The following GTF3C1 variants were observed in gnomAD, a reference collection of about 807,000 sequenced individuals.
GTF3C1 encodes general transcription factor 3C polypeptide 1.
In GTF3C1, 57 loss-of-function variants were observed where a neutral mutation model predicts 226.7. That is an observed-to-expected ratio of 0.25 (90% CI 0.20 to 0.31). The LOEUF (loss-of-function observed/expected upper bound fraction) is 0.31, where lower values mean the gene tolerates loss of function less well. Ranked by LOEUF, GTF3C1 falls within the 10% of genes least tolerant of loss-of-function variation. The pLI is 1.00. For synonymous variants in GTF3C1, 1,090 were observed against 1,084.8 expected (o/e 1.00, Z -0.09); for missense variants, 2,217 against 2,776.1 (o/e 0.80, Z 4.53).
At chr16:27,530,823 C>T (rs1281366541) in intron 5 of GTF3C1, among the ~76,000 whole-genome samples, 3 of 152,182 alleles carry the variant, frequency 2.0e-5, no homozygotes, top group Non-Finnish European at 4.4e-5. Flanking sequence ...ATGATCCCTG[C>T]GTCAGAAGCC....
At chr16:27,482,126 T>C (rs1251342079) in intron 26 of GTF3C1, among the ~76,000 whole-genome samples, 4 of 152,126 alleles carry the variant, frequency 2.6e-5, no homozygotes, top group African/African-American at 9.7e-5. Flanking sequence ...TGTGGGTCTA[T>C]TGCAGCCCCT....
intron 6 of GTF3C1, among the ~76,000 whole-genome samples, chr16:27,514,250 C>A (rs2088621360): frequency 6.6e-6 from 1 of 152,228 alleles, no homozygotes; most frequent in South Asian, 2.1e-4. Context: ...TCTGCTGGCT[C>A]CCCGCCGGGG....
chr16:27,534,592 A>C (rs956935570), intron 4 of GTF3C1, among the ~76,000 whole-genome samples: 1 of 152,256 alleles, frequency 6.6e-6, no homozygotes, highest in Non-Finnish European at 1.5e-5. Context: ...TGACTGCCCA[A>C]GTGAGGGGCA....
intron 1 of GTF3C1, among the ~76,000 whole-genome samples, chr16:27,548,616 C>T (rs2089205456): frequency 1.3e-5 from 2 of 152,146 alleles, no homozygotes; most frequent in Non-Finnish European, 2.9e-5. Flanking sequence ...CACAATATGG[C>T]TTAAGAGCAC....
At position 27,462,545 on chromosome 16, in the gene GTF3C1, A is replaced by G. The variant is rs985092000; in HGVS notation, c.5925-59T>C. 5 of 1,351,282 alleles carry G rather than the reference A, an allele frequency of 3.7e-6. No individual in the cohort carries two copies. In the African/African-American group the frequency reaches 7.1e-5, roughly 19 times the overall value. The allele number at this position is 1,351,282 out of a possible 1,614,324, so 83.7% of individuals were successfully genotyped here. On this transcript the variant is annotated intron_variant, in intron 35 of 36. Transcript: ENST00000356183. This position sits in a 1 kb window ranked among gnomAD's most constrained non-coding sequence, Gnocchi z 4.5. ...GGGGGCAGGAGGGCAGCTCGTCCAG[A>G]CAGAACACTGAGGCTCAGGGGCGTC...
intron 6 of GTF3C1, among the ~76,000 whole-genome samples, chr16:27,524,841 A>G (rs572774592): frequency 2.0e-4 from 31 of 152,394 alleles, no homozygotes; most frequent in African/African-American, 7.0e-4. Context: ...TTAGGTATTC[A>G]GGCCATTAGA....
intron 29 of GTF3C1, 149 bp from the exon 30 acceptor site, chr16:27,472,069 A>AGTGT: frequency 1.5e-6 from 1 of 652,698 alleles, no homozygotes. Context: ...TGTGTCAGTG[A>AGTGT]GTGTGTGTGT....
At chr16:27,545,644 T>C in intron 1 of GTF3C1, 121 bp from the exon 2 acceptor site, 1 of 659,136 alleles carries the variant, frequency 1.5e-6, no homozygotes, top group South Asian at 1.8e-5. Context: ...TCAGTTTTCC[T>C]GCCTTATAAA....
intron 6 of GTF3C1, among the ~76,000 whole-genome samples, chr16:27,514,454 G>T (rs2088625904): frequency 6.6e-6 from 1 of 152,050 alleles, no homozygotes; most frequent in Non-Finnish European, 1.5e-5. Flanking sequence ...ACAGTGCCAG[G>T]CTCCCTTTCT....
Position 27,506,027 on chromosome 16 carries a change from C to T in GTF3C1, c.1642G>A (p.Ala548Thr), listed in dbSNP as rs756937688. ...GTATCTAAGAGGCTGTCCCTGCTGG[C>T]AAGGCTCTGGCAGGCTCTCTCTTCA... ...AAEERACQSL[A>T]SRDSLLDTSS... The change falls in exon 10 of 37, where the codon GCC becomes ACC. Residue 548 changes from alanine to threonine, a missense_variant. Physicochemically the swap from Ala to Thr is moderately conservative, Grantham distance 58. Coordinates refer to ENST00000356183, the MANE Select transcript of GTF3C1 (RefSeq NM_001520.4). 4 of 1,613,094 alleles carry T rather than the reference C, an allele frequency of 2.5e-6. No homozygotes were observed. The Admixed American group carries it at 5.0e-5, about 20-fold the overall frequency.
chr16:27,485,017 C>T (rs1295498489), intron 24 of GTF3C1, among the ~76,000 whole-genome samples: 1 of 152,240 alleles, frequency 6.6e-6, no homozygotes, highest in Non-Finnish European at 1.5e-5. Flanking sequence ...ACTTACCCAT[C>T]AGCTCTGCAA....
chr16:27,493,668 A>T (rs775522121), intron 16 of GTF3C1, among the ~76,000 whole-genome samples: 4 of 152,342 alleles, frequency 2.6e-5, no homozygotes, highest in Non-Finnish European at 5.9e-5. Context: ...CCTTACCCAA[A>T]GGAAAAAATG....
At position 27,492,544 on chromosome 16, in the gene GTF3C1, C is replaced by T. The variant is rs1295195721; in HGVS notation, c.2974-29G>A. On this transcript the variant is annotated intron_variant, in intron 18 of 36. Coordinates refer to ENST00000356183, the MANE Select transcript of GTF3C1 (RefSeq NM_001520.4). This position sits in a 1 kb window ranked among gnomAD's most constrained non-coding sequence, Gnocchi z 5.0. ...AGGGGAGACACCAGACAGGGAGAAC[C>T]CACATTGGGTCTGGCTGCTTGGAGA... The T allele has an allele frequency of 6.3e-7, 1 of 1,586,586 alleles. No individual in the cohort carries two copies.
At chr16:27,511,616 T>G (rs1281477571) in intron 7 of GTF3C1, 133 bp downstream of exon 7, 1 of 922,400 alleles carries the variant, frequency 1.1e-6, no homozygotes, top group Non-Finnish European at 1.6e-6. Context: ...GCCTAAACCC[T>G]TCTGGGGAAC....
At chr16:27,526,282 C>CA (rs2088833480) in intron 6 of GTF3C1, among the ~76,000 whole-genome samples, 1 of 152,100 alleles carries the variant, frequency 6.6e-6, no homozygotes, top group African/African-American at 2.4e-5. Flanking sequence ...CATCAAACGA[C>CA]AGACTAAAAC....
chr16:27,464,822 C>G lies in GTF3C1; in HGVS notation c.5370G>C (p.Gln1790His). ...FADCIQALLE[Q>H]HQVLEVGGNT... ...TGCCACCGACCTCCAGCACCTGATG[C>G]TGCTCCAGGAGGGCCTGGGGAGGCA... The change falls in exon 34 of 37, where the codon CAG becomes CAC. Residue 1790 changes from glutamine to histidine, a missense_variant. Physicochemically the swap from Gln to His is conservative, Grantham distance 24. Around this residue, in one of 12 missense-constraint regions of GTF3C1, gnomAD observed 455 missense variants for 441.9 expected, o/e 1.03. Coordinates refer to ENST00000356183, the MANE Select transcript of GTF3C1 (RefSeq NM_001520.4). The G allele has an allele frequency of 6.6e-7, 1 of 1,514,818 alleles. No individual in the cohort carries two copies. The highest frequency in any genetic ancestry group is 1.3e-5 in the South Asian group (1 of 76,876). 93.8% of individuals were successfully genotyped at this position (1,514,818 alleles called of 1,614,324 possible).
Position 27,464,856 on chromosome 16 carries a change from G to A in GTF3C1, c.5356-20C>T, listed in dbSNP as rs764986583. On this transcript the variant is annotated intron_variant, in intron 33 of 36. Coordinates refer to ENST00000356183, the MANE Select transcript of GTF3C1 (RefSeq NM_001520.4). ...GAGGGCCTGGGGAGGCAGGAGACAC[G>A]CGGGGTCTGTGGGGAGCTCGGGATC... 11 of 1,493,540 alleles carry A rather than the reference G, an allele frequency of 7.4e-6. No individual in the cohort carries two copies. Among genetic ancestry groups the A allele is most frequent in the Middle Eastern group, 1.9e-4 (1 of 5,220 alleles). The allele number at this position is 1,493,540 out of a possible 1,614,324, so 92.5% of individuals were successfully genotyped here.
chr16:27,508,429 C>A lies in GTF3C1; in HGVS notation c.1242+111G>T, dbSNP rs1030469591. 8.8e-5 allele frequency: 73 copies of A among 828,030 alleles called. No individual in the cohort carries two copies. In the East Asian group the frequency reaches 1.8e-3, roughly 20 times the overall value. 51.3% of individuals were successfully genotyped at this position (828,030 alleles called of 1,614,324 possible). On this transcript the variant is annotated intron_variant, in intron 8 of 36. Coordinates refer to ENST00000356183, the MANE Select transcript of GTF3C1 (RefSeq NM_001520.4). The stretch of plus-strand genomic sequence containing the variant: ...TCAGCCCTGGGGAGGCCATTTGCCT[C>A]CTTGACACAGATGTCAGGCCATCGA...
At chr16:27,484,589 A>G (rs1413145625) in intron 24 of GTF3C1, among the ~76,000 whole-genome samples, 2 of 152,126 alleles carry the variant, frequency 1.3e-5, no homozygotes, top group African/African-American at 4.8e-5. Context: ...AGTGTATTTT[A>G]GCAAGCGCCA....
Sources: gnomAD v4.1 joint callset for allele counts (sites outside exome capture counted in the v4.1 genomes callset) on GRCh38, gnomAD v4.1.1 for gene constraint, gnomAD v4.1.1 regional missense constraint, Gnocchi (gnomAD v3.1) non-coding constraint, MANE v1.5 for transcripts, NCBI Gene and HGNC (gene_info 2026-07-23, HGNC 2026-07-21) for gene names.